The following PSMG1 variants were observed in gnomAD, a reference collection of about 807,000 sequenced individuals.
The protein encoded by PSMG1 is proteasome assembly chaperone 1, also known as Down syndrome critical region gene 2.
Under a neutral mutation model 37.2 loss-of-function variants are expected in PSMG1, and 23 were observed. The ratio of observed to expected loss-of-function variants is 0.62; its 90% confidence interval spans 0.44 to 0.88. PSMG1 has a LOEUF of 0.88. Ranked by LOEUF, PSMG1 falls within the 40% of genes least tolerant of loss-of-function variation. PSMG1 has a pLI of 0.00. For missense variants in PSMG1, 340 were observed against 344.2 expected, an observed-to-expected ratio of 0.99 and a Z score of 0.10; for synonymous variants, 127 against 128.0, an observed-to-expected ratio of 0.99 and a Z score of 0.05.
chr21:39,179,363 G>A (rs1227685627), intron 4 of PSMG1, among the ~76,000 whole-genome samples: 2 of 152,030 alleles, frequency 1.3e-5, no homozygotes, highest in South Asian at 2.1e-4. Flanking sequence ...CCAGAATAGC[G>A]ACTACAGGTC....
At chr21:39,178,895 C>A in intron 4 of PSMG1, 1 of 464,152 alleles carries the variant, frequency 2.2e-6, no homozygotes, top group South Asian at 2.5e-5. Context: ...AGTTTAGATG[C>A]CTGTCCCCTC....
Position 39,180,090 on chromosome 21 carries a change from T to C in PSMG1, c.394-104A>G, listed in dbSNP as rs895798655. ...AATGACAACACTTAGGTAATACTTA[T>C]TTTCCTGGCTCCACTATTGACCTAC... On this transcript the variant is annotated intron_variant, in intron 3 of 6. Coordinates refer to ENST00000331573, the MANE Select transcript of PSMG1 (RefSeq NM_003720.4). 3.3e-5 allele frequency: 43 copies of C among 1,305,290 alleles called. No individual in the cohort carries two copies. The African/African-American group carries it at 4.3e-4, about 13-fold the overall frequency. The allele number at this position is 1,305,290 out of a possible 1,614,324, so 80.9% of individuals were successfully genotyped here. A position where few individuals can be genotyped will look rare whatever the true frequency, so the allele number is the denominator to read the frequency against.
At chr21:39,183,485 C>G, upstream of PSMG1, 1 of 1,391,974 alleles carries the variant, frequency 7.2e-7, no homozygotes, top group Non-Finnish European at 9.5e-7. Flanking sequence ...ATAAGTCCCG[C>G]CCCGCACAGG....
intron 1 of PSMG1, 99 bp from the exon 2 acceptor site, chr21:39,181,977 G>A (rs2030846100): frequency 1.3e-5 from 9 of 678,462 alleles, no homozygotes; most frequent in Non-Finnish European, 2.0e-5. Flanking sequence ...TAAAATGCAC[G>A]TTAGTTTTAT....
At chr21:39,181,642 T>C in intron 2 of PSMG1, 130 bp downstream of exon 2, 1 of 543,830 alleles carries the variant, frequency 1.8e-6, no homozygotes, top group Non-Finnish European at 3.0e-6. Context: ...AGAGAGATTT[T>C]ACTCAGAAAT....
In PSMG1 at chr21:39,177,469, A is replaced by G. The variant is rs2030668474; in HGVS notation, c.758T>C (p.Ile253Thr). 6.2e-7 allele frequency: 1 copy of G among 1,605,234 alleles called. No homozygotes were observed. The highest frequency in any genetic ancestry group is 8.5e-7 in the Non-Finnish European group (1 of 1,176,938). Residue 253 changes from isoleucine (I) to threonine (T), a missense_variant, in exon 6 of 7, where the codon ATA becomes ACA. By Grantham distance (89) the Ile-to-Thr change is moderately conservative (BLOSUM62 -1). Coordinates refer to ENST00000331573, the MANE Select transcript of PSMG1 (RefSeq NM_003720.4). ...ACCCTTCAAGCTTCTGGTAGAAAGT[A>G]TAGGCTTAAAAGCTTCCACTGTGAT... ...DLITVEAFKP[I>T]LSTRSLKGLV...
At chr21:39,176,916 C>A (rs1167557699) in intron 6 of PSMG1, among the ~76,000 whole-genome samples, 1 of 152,176 alleles carries the variant, frequency 6.6e-6, no homozygotes, top group Non-Finnish European at 1.5e-5. Flanking sequence ...CCTAAACTAC[C>A]TGAGATTACA....
In PSMG1 at chr21:39,177,580, A is replaced by C; in HGVS notation, c.656-9T>G. 1 of 1,513,516 alleles carries C rather than the reference A, an allele frequency of 6.6e-7. No homozygotes were observed. Among genetic ancestry groups the C allele is most frequent in the Non-Finnish European group, 8.8e-7 (1 of 1,134,448 alleles). The allele number at this position is 1,513,516 out of a possible 1,614,324, so 93.8% of individuals were successfully genotyped here. On this transcript the variant is annotated splice_polypyrimidine_tract_variant and intron_variant, in intron 5 of 6. Coordinates refer to ENST00000331573, the MANE Select transcript of PSMG1 (RefSeq NM_003720.4). ...TTGACAGTAGCTTAGAACTATGAAT[A>C]CACAAGAAAAAAAAACGATGTAAGT...
At chr21:39,175,820 T>C (rs80179792) in intron 6 of PSMG1, among the ~76,000 whole-genome samples, 156 bp from the exon 7 acceptor site, 3,236 of 152,218 alleles carry the variant, frequency 0.021, 59 homozygotes, top group Non-Finnish European at 0.032. Context: ...AAAAGGCAAG[T>C]GGGAAAGTCA....
chr21:39,183,311 C>G lies in PSMG1; in HGVS notation c.75G>C (p.Glu25Asp). The stretch of plus-strand genomic sequence containing the variant: ...CCTCGGGCGTCTCCCTCCGCCCCTC[C>G]TCCTCCTCCTCTTCGTCCTCAGTCC... The part of the protein sequence containing the change: ...RAGTEDEEEE[E>D]EGRRETPEDR... Residue 25 changes from glutamate (E) to aspartate (D), a missense_variant, in exon 1 of 7, where the codon GAG becomes GAC. By Grantham distance (45) the Glu-to-Asp change is conservative. Coordinates refer to ENST00000331573, the MANE Select transcript of PSMG1 (RefSeq NM_003720.4). 1 of 1,581,678 alleles carries G rather than the reference C, an allele frequency of 6.3e-7. No individual in the cohort carries two copies. The highest frequency in any genetic ancestry group is 8.6e-7 in the Non-Finnish European group (1 of 1,166,560).
At position 39,178,533 on chromosome 21, in the gene PSMG1, C is replaced by A; in HGVS notation, c.571G>T (p.Ala191Ser). 1 of 1,614,042 alleles carries A rather than the reference C, an allele frequency of 6.2e-7. No homozygotes were observed. The highest frequency in any genetic ancestry group is 1.1e-5 in the South Asian group (1 of 91,078). ...TGSLPSPFLRALKTQNFKDSA... is the reference protein window; with the variant it reads ...TGSLPSPFLRSLKTQNFKDSA... ...TCTTTGAAATTCTGTGTTTTTAGGG[C>A]TCTCAGGAAAGGAGAAGGAAGGCTG... Residue 191 changes from alanine to serine, a missense_variant, in exon 5 of 7, where the codon GCC becomes TCC. Transcript: ENST00000331573.
At position 39,182,983 on chromosome 21, in the gene PSMG1, G is replaced by C. The variant is rs528273240; in HGVS notation, c.134+269C>G. Reference sequence around the variant, plus strand: ...CGCTCCAGAAAGCCTTTAAAGAACGGATTTGAACCCAGCCCTCCCACAGCG... The same window carrying C: ...CGCTCCAGAAAGCCTTTAAAGAACGCATTTGAACCCAGCCCTCCCACAGCG... On this transcript the variant is annotated intron_variant, in intron 1 of 6. Transcript: ENST00000331573. 5.9e-4 allele frequency: 253 copies of C among 429,362 alleles called. 4 individuals carry two copies. In the South Asian group the frequency reaches 0.011, roughly 18 times the overall value. 26.6% of individuals were successfully genotyped at this position (429,362 alleles called of 1,614,324 possible).
At chr21:39,182,389 G>A (rs1334059981) in intron 1 of PSMG1, among the ~76,000 whole-genome samples, 1 of 152,198 alleles carries the variant, frequency 6.6e-6, no homozygotes, top group Non-Finnish European at 1.5e-5. Context: ...TCTAAATGAA[G>A]TGACACGTCT....
chr21:39,177,126 T>C (rs2030652647), intron 6 of PSMG1, among the ~76,000 whole-genome samples: 4 of 152,160 alleles, frequency 2.6e-5, no homozygotes, highest in Admixed American at 2.0e-4. Flanking sequence ...AAATAAAAAT[T>C]TTTTAAAAAA....
intron 6 of PSMG1, 116 bp from the exon 7 acceptor site, chr21:39,175,780 C>A: frequency 1.4e-6 from 1 of 690,778 alleles, no homozygotes; most frequent in South Asian, 1.7e-5. Flanking sequence ...AGCCATGGGA[C>A]AGGCGTGGCC....
At chr21:39,176,809 G>C (rs1183025574) in intron 6 of PSMG1, among the ~76,000 whole-genome samples, 1 of 152,214 alleles carries the variant, frequency 6.6e-6, no homozygotes, top group African/African-American at 2.4e-5. Context: ...CGGGCTGAGG[G>C]ACAATGTTGT....
intron 4 of PSMG1, chr21:39,178,874 T>C: frequency 3.8e-6 from 2 of 532,334 alleles, no homozygotes; most frequent in South Asian, 4.4e-5. Flanking sequence ...ATTAGTGAAC[T>C]AAGGTGATAT....
chr21:39,181,931 T>C, intron 1 of PSMG1, 53 bp from the exon 2 acceptor site: 1 of 1,210,764 alleles, frequency 8.3e-7, no homozygotes, highest in South Asian at 1.5e-5. Context: ...AACAGTATCA[T>C]GGCAAAAGGG....
At chr21:39,178,727 A>C in intron 4 of PSMG1, 80 bp from the exon 5 acceptor site, 1 of 1,293,166 alleles carries the variant, frequency 7.7e-7, no homozygotes, top group Non-Finnish European at 1.1e-6. Flanking sequence ...GTATTCACCT[A>C]ACACCACAGA....
Sources: gnomAD v4.1 joint callset for allele counts (sites outside exome capture counted in the v4.1 genomes callset) on GRCh38, gnomAD v4.1.1 for gene constraint, MANE v1.5 for transcripts, NCBI Gene and HGNC (gene_info 2026-07-23, HGNC 2026-07-21) for gene names.